The following SLC35F4 variants were observed in gnomAD, a reference collection of about 807,000 sequenced individuals.
SLC35F4 encodes solute carrier family 35 member F4, also known as chromosome 14 open reading frame 36.
In SLC35F4, 24 loss-of-function variants were observed where a neutral mutation model predicts 44.2. The ratio of observed to expected loss-of-function variants is 0.54; its 90% CI spans 0.39 to 0.76. SLC35F4 has a LOEUF of 0.76. SLC35F4 is among the 30% of genes least tolerant of loss of function. The pLI is 0.00. For synonymous variants in SLC35F4, 238 were observed against 223.6 expected, an observed-to-expected ratio of 1.06 and a Z score of -0.57; for missense variants, 562 against 586.1, an observed-to-expected ratio of 0.96 and a Z score of 0.42.
chr14:57,836,814 A>G (rs1037508260), intron 1 of SLC35F4, among the ~76,000 whole-genome samples: 5 of 152,190 alleles, frequency 3.3e-5, no homozygotes, highest in Admixed American at 6.5e-5. Context: ...CAGACATTAT[A>G]TCTTTCCATC....
At chr14:57,775,119 G>C (rs1257535128) in intron 1 of SLC35F4, among the ~76,000 whole-genome samples, 1 of 152,180 alleles carries the variant, frequency 6.6e-6, no homozygotes, top group Non-Finnish European at 1.5e-5. Flanking sequence ...AAACAGTCCT[G>C]TGCCCACCAG....
At chr14:57,586,258 G>GA (rs1340252789) in intron 3 of SLC35F4, among the ~76,000 whole-genome samples, 1 of 152,178 alleles carries the variant, frequency 6.6e-6, no homozygotes, top group Non-Finnish European at 1.5e-5. Flanking sequence ...ATGGTGTTGG[G>GA]AAAATTGGCT....
At chr14:57,798,233 A>G (rs949794733) in intron 1 of SLC35F4, among the ~76,000 whole-genome samples, 4 of 152,106 alleles carry the variant, frequency 2.6e-5, no homozygotes, top group Non-Finnish European at 4.4e-5. Flanking sequence ...TGGAAATAAC[A>G]TATTGAAAAT....
chr14:57,739,084 T>C (rs1267085671), intron 1 of SLC35F4, among the ~76,000 whole-genome samples: 1 of 152,108 alleles, frequency 6.6e-6, no homozygotes, highest in East Asian at 1.9e-4. Context: ...AAGACCCCCA[T>C]GGGAACATTC....
intron 6 of SLC35F4, among the ~76,000 whole-genome samples, chr14:57,567,989 C>A (rs1300557382): frequency 6.6e-6 from 1 of 152,194 alleles, no homozygotes; most frequent in Non-Finnish European, 1.5e-5. Context: ...TGTGTCTCAG[C>A]CAGATCACAT....
intron 6 of SLC35F4, among the ~76,000 whole-genome samples, chr14:57,569,304 G>A (rs903785136): frequency 3.9e-5 from 6 of 152,040 alleles, no homozygotes; most frequent in African/African-American, 1.4e-4. Context: ...ACCTCAAAAT[G>A]GCTTTCCAGG....
intron 1 of SLC35F4, among the ~76,000 whole-genome samples, chr14:57,716,270 G>A (rs2075939435): frequency 6.7e-6 from 1 of 149,514 alleles, no homozygotes; most frequent in African/African-American, 2.5e-5. Context: ...GTAGTTTGAG[G>A]GTACCAGGTA....
intron 1 of SLC35F4, among the ~76,000 whole-genome samples, chr14:57,619,866 A>G (rs1033465212): frequency 1.3e-5 from 2 of 152,132 alleles, no homozygotes; most frequent in Non-Finnish European, 2.9e-5. Flanking sequence ...ATGAAGCTGA[A>G]AAACACAGCA....
chr14:57,928,255 T>C (rs1188972046), intron 1 of SLC35F4, among the ~76,000 whole-genome samples: 1 of 152,164 alleles, frequency 6.6e-6, no homozygotes, highest in Non-Finnish European at 1.5e-5. Flanking sequence ...TCTCCTGACC[T>C]CTACCGTGTC....
chr14:57,665,288 A>G (rs2074271512), intron 1 of SLC35F4, among the ~76,000 whole-genome samples: 1 of 152,186 alleles, frequency 6.6e-6, no homozygotes, highest in African/African-American at 2.4e-5. Context: ...GGCCTGGGTG[A>G]CATGCACCAC....
chr14:57,880,025 GA>G (rs140411161), intron 1 of SLC35F4, among the ~76,000 whole-genome samples: 2,961 of 129,300 alleles, frequency 0.023, 151 homozygotes, highest in East Asian at 0.078. Context: ...GAAAGGAAAG[GA>G]AAGGAGGGAG....
chr14:57,919,085 C>G (rs963115359), intron 1 of SLC35F4, among the ~76,000 whole-genome samples: 3 of 152,088 alleles, frequency 2.0e-5, no homozygotes, highest in Non-Finnish European at 2.9e-5. Flanking sequence ...TGTTCCATTC[C>G]AGGATTTTCC....
At chr14:57,605,702 A>T (rs1045867728) in intron 1 of SLC35F4, among the ~76,000 whole-genome samples, 48 of 152,236 alleles carry the variant, frequency 3.2e-4, no homozygotes, top group African/African-American at 1.1e-3. Context: ...CATAGAATCA[A>T]CCCAGGTGCC....
intron 1 of SLC35F4, among the ~76,000 whole-genome samples, chr14:57,921,537 G>T (rs1051582117): frequency 2.0e-5 from 3 of 152,148 alleles, no homozygotes; most frequent in Admixed American, 6.5e-5. Flanking sequence ...ACCACAAATT[G>T]GTTGGCTTAA....
At chr14:57,880,035 AGG>A in intron 1 of SLC35F4, among the ~76,000 whole-genome samples, 1 of 528 alleles carries the variant, frequency 1.9e-3, no homozygotes, top group South Asian at 0.071. Context: ...GAAAGGAGGG[AGG>A]AAGGAAGGAA....
chr14:57,855,058 T>C (rs1886953782), intron 1 of SLC35F4, among the ~76,000 whole-genome samples: 1 of 152,214 alleles, frequency 6.6e-6, no homozygotes, highest in Non-Finnish European at 1.5e-5. Context: ...ATAAAACTGA[T>C]TCTATTCATT....
intron 1 of SLC35F4, among the ~76,000 whole-genome samples, chr14:57,663,661 T>C (rs1182488898): frequency 6.6e-6 from 1 of 152,172 alleles, no homozygotes; most frequent in African/African-American, 2.4e-5. Context: ...ATCAACCCTT[T>C]AGTTCCATGG....
chr14:57,835,829 G>A (rs1884861672), intron 1 of SLC35F4, among the ~76,000 whole-genome samples: 1 of 152,216 alleles, frequency 6.6e-6, no homozygotes, highest in Admixed American at 6.5e-5. Flanking sequence ...TTCTTATTCT[G>A]GCATCAAGCC....
At chr14:57,728,178 T>C (rs1470861917) in intron 1 of SLC35F4, among the ~76,000 whole-genome samples, 5 of 152,146 alleles carry the variant, frequency 3.3e-5, no homozygotes, top group African/African-American at 1.2e-4. Context: ...TTGAAATATA[T>C]TTTGTCTTAA....
Sources: allele counts gnomAD v4.1 joint callset (sites outside exome capture counted in the v4.1 genomes callset), GRCh38; gene constraint gnomAD v4.1.1; transcripts MANE v1.5; gene names NCBI Gene and HGNC (gene_info 2026-07-23, HGNC 2026-07-21).